Variants in ROBO1 observed in about 807,000 individuals in gnomAD.
ROBO1 encodes roundabout homolog 1.
ROBO1 carries 149 observed loss-of-function variants against 195.9 expected under a neutral mutation model. That is an observed-to-expected ratio of 0.76 (90% CI 0.67 to 0.87). The LOEUF is 0.87. ROBO1 is among the 40% of genes least tolerant of loss of function. The pLI is 0.00. For missense variants in ROBO1, 1,933 were observed against 2,068.3 expected (o/e 0.93, Z 1.27); for synonymous variants, 816 against 733.2 (o/e 1.11, Z -1.82).
rs149438796 is a variant in ROBO1, at chr3:78,874,725, G to C, written c.499+63876C>G. Among the ~76,000 whole-genome samples the C allele has an allele frequency of 3.3e-5, 5 of 151,726 alleles. No homozygotes were observed. In the East Asian group the frequency reaches 9.7e-4, roughly 29 times the overall value. ...AACAAGTTAGTCAGTTTTACTATTA[G>C]CATCAACCATTATAAGTAATTCTTT... On this transcript the variant is annotated intron_variant, in intron 4 of 30. Transcript: ENST00000464233.
At chr3:79,503,209 G>A (rs1278140725) in intron 2 of ROBO1, among the ~76,000 whole-genome samples, 2 of 152,116 alleles carry the variant, frequency 1.3e-5, no homozygotes, top group African/African-American at 4.8e-5. Flanking sequence ...CCACCAGGAG[G>A]AATGAACAAC....
chr3:78,805,876 A>G (rs1278759539), intron 4 of ROBO1, among the ~76,000 whole-genome samples: 1 of 152,168 alleles, frequency 6.6e-6, no homozygotes, highest in Non-Finnish European at 1.5e-5. Context: ...TTGTGCTAAA[A>G]TTATAAAATT....
intron 3 of ROBO1, among the ~76,000 whole-genome samples, chr3:78,983,989 G>T (rs1320030390): frequency 6.6e-6 from 1 of 152,166 alleles, no homozygotes; most frequent in Admixed American, 6.5e-5. Context: ...AACATGGTTA[G>T]GAGAATTCAT....
chr3:79,533,188 T>C (rs1176166997), intron 2 of ROBO1: 3 of 285,384 alleles, frequency 1.1e-5, no homozygotes, highest in Admixed American at 4.8e-5. Context: ...ATAAACTCTA[T>C]GATTTAGATC....
At chr3:78,793,993 A>G (rs1479698942) in intron 4 of ROBO1, among the ~76,000 whole-genome samples, 5 of 152,324 alleles carry the variant, frequency 3.3e-5, no homozygotes, top group African/African-American at 1.2e-4. Context: ...GAATCATGTT[A>G]ATTAACTTTG....
At chr3:79,476,345 C>G (rs189374803) in intron 2 of ROBO1, among the ~76,000 whole-genome samples, 1 of 152,082 alleles carries the variant, frequency 6.6e-6, no homozygotes, top group Non-Finnish European at 1.5e-5. Context: ...CCTTAAAGAA[C>G]TAAATATAGA....
intron 18 of ROBO1, among the ~76,000 whole-genome samples, chr3:78,652,749 GATTC>G (rs989287186): frequency 9.2e-5 from 14 of 151,992 alleles, no homozygotes; most frequent in African/African-American, 3.4e-4. Context: ...TGGCCATTTT[GATTC>G]ATTATTTAAA....
intron 3 of ROBO1, among the ~76,000 whole-genome samples, chr3:79,055,763 A>C (rs1291890617): frequency 1.3e-5 from 2 of 152,084 alleles, no homozygotes; most frequent in Non-Finnish European, 2.9e-5. Context: ...GTAAAAGAAG[A>C]CAGGGCTGGT....
At position 78,688,785 on chromosome 3, in the gene ROBO1, A is replaced by C; in HGVS notation, c.1046-13T>G. 1 of 1,603,114 alleles carries C rather than the reference A, an allele frequency of 6.2e-7. No individual in the cohort carries two copies. Among genetic ancestry groups the C allele is most frequent in the East Asian group, 2.2e-5 (1 of 44,626 alleles). On this transcript the variant is annotated splice_polypyrimidine_tract_variant and intron_variant, in intron 8 of 30. Coordinates refer to ENST00000464233, the MANE Select transcript of ROBO1 (RefSeq NM_002941.4). ...AAATGTGGAGGTTCTGAAGGAGGTG[A>C]AACAAATTACACCGAATTAAAAGCA...
chr3:78,816,984 T>TA (rs60096003), intron 4 of ROBO1, among the ~76,000 whole-genome samples: 45 of 151,854 alleles, frequency 3.0e-4, no homozygotes, highest in African/African-American at 9.0e-4. Context: ...TAAAGTATAA[T>TA]AAAAAAAATA....
At position 78,714,427 on chromosome 3, in the gene ROBO1, C is replaced by G; in HGVS notation, c.1015G>C (p.Ala339Pro). The change falls in exon 8 of 31, where the codon GCT becomes CCT. Residue 339 changes from alanine to proline, a missense_variant. Transcript: ENST00000464233. ...ACAGTCAGAGTAGCAGATGCTTCAG[C>G]TTTGCCCACCATATTTTCTGCAACA... ...TCVAENMVGK[A>P]EASATLTVQE... 6.2e-7 allele frequency: 1 copy of G among 1,613,300 alleles called. No individual in the cohort carries two copies. Among genetic ancestry groups the G allele is most frequent in the Non-Finnish European group, 8.5e-7 (1 of 1,179,524 alleles).
At chr3:79,073,614 T>C (rs959757675) in intron 3 of ROBO1, among the ~76,000 whole-genome samples, 2 of 151,830 alleles carry the variant, frequency 1.3e-5, no homozygotes, top group African/African-American at 4.8e-5. Context: ...AGCCAGGACA[T>C]AGATTTAAAA....
chr3:79,251,619 C>T (rs1317921768), intron 2 of ROBO1, among the ~76,000 whole-genome samples: 4 of 152,140 alleles, frequency 2.6e-5, no homozygotes, highest in Non-Finnish European at 2.9e-5. Flanking sequence ...GGCATGGTGG[C>T]GGACGCCTGC....
intron 8 of ROBO1, among the ~76,000 whole-genome samples, chr3:78,709,246 T>G (rs2081623820): frequency 6.6e-6 from 1 of 152,178 alleles, no homozygotes; most frequent in Admixed American, 6.6e-5. Flanking sequence ...TGTTTCACTA[T>G]TTTGTATTGG....
chr3:79,621,645 A>T lies in ROBO1; in HGVS notation c.-50-31684T>A, dbSNP rs1022079596. 6.6e-5 allele frequency among the ~76,000 whole-genome samples: 10 copies of T among 152,292 alleles called. No homozygotes were observed. In the South Asian group the frequency reaches 8.3e-4, roughly 13 times the overall value. ...CTAAAGAAAAGAACTGAAAGCCAAA[A>T]ATTTTGTGCCCTGCTAAACTACCCT... On this transcript the variant is annotated intron_variant, in intron 1 of 30. Coordinates refer to ENST00000464233, the MANE Select transcript of ROBO1 (RefSeq NM_002941.4).
At position 78,688,668 on chromosome 3, in the gene ROBO1, A is replaced by G. The variant is rs1037047233; in HGVS notation, c.1150T>C (p.Trp384Arg). Residue 384 changes from tryptophan to arginine, a missense_variant, in exon 9 of 31, where the codon TGG (tryptophan) becomes CGG (arginine). Physicochemically the swap from Trp to Arg is moderately radical, Grantham distance 101. Around this residue, in one of 3 missense-constraint regions of ROBO1, gnomAD observed 1,737 missense variants for 1,882.5 expected, o/e 0.92. Transcript: ENST00000464233. ...GGTACCTGACTCCCTTCTCTCCTCC[A>G]GAAAATAGCTGGTTGAGGATTTCCG... is the stretch of plus-strand genomic sequence containing the variant. ...ATGNPQPAIF[W>R]RREGSQNLLF... 6.2e-7 allele frequency: 1 copy of G among 1,604,334 alleles called. No individual in the cohort carries two copies. Among genetic ancestry groups the G allele is most frequent in the Non-Finnish European group, 8.5e-7 (1 of 1,175,002 alleles).
At chr3:79,075,692 C>T (rs1157597384) in intron 3 of ROBO1, among the ~76,000 whole-genome samples, 1 of 151,818 alleles carries the variant, frequency 6.6e-6, no homozygotes, top group Non-Finnish European at 1.5e-5. Context: ...AATTTCAGAG[C>T]CCAAAGTCAG....
intron 2 of ROBO1, among the ~76,000 whole-genome samples, chr3:79,445,596 C>G (rs922719560): frequency 6.1e-5 from 9 of 147,834 alleles, no homozygotes; most frequent in African/African-American, 2.3e-4. Flanking sequence ...AATTCCTGGG[C>G]TCAAGCAATC....
At chr3:79,187,295 G>A (rs2081457974) in intron 2 of ROBO1, among the ~76,000 whole-genome samples, 1 of 151,928 alleles carries the variant, frequency 6.6e-6, no homozygotes, top group Non-Finnish European at 1.5e-5. Flanking sequence ...ATACCAAATA[G>A]GAGTTTCTAC....
Sources: allele counts gnomAD v4.1 joint callset (sites outside exome capture counted in the v4.1 genomes callset), GRCh38; gene constraint gnomAD v4.1.1; regional missense constraint gnomAD v4.1.1; transcripts MANE v1.5; gene names NCBI Gene and HGNC (gene_info 2026-07-23, HGNC 2026-07-21).